RBM47: variants seen among roughly 807,000 people sequenced by gnomAD.
RBM47 encodes the protein RNA binding motif protein 47.
RBM47 carries 21 observed loss-of-function variants against 47.1 expected under a neutral mutation model. That is an observed-to-expected ratio of 0.45 (90% CI 0.32 to 0.64). RBM47 has a LOEUF of 0.64. Ranked by LOEUF, RBM47 falls within the 30% of genes least tolerant of loss-of-function variation. RBM47 has a pLI of 0.05. For missense variants in RBM47, 708 were observed against 870.9 expected, an observed-to-expected ratio of 0.81 and a Z score of 2.35; for synonymous variants, 375 against 361.7, an observed-to-expected ratio of 1.04 and a Z score of -0.42.
intron 2 of RBM47, among the ~76,000 whole-genome samples, chr4:40,496,037 TC>T (rs1722521349): frequency 2.0e-5 from 3 of 152,184 alleles, no homozygotes; most frequent in Admixed American, 2.0e-4. Context: ...CAATTGATCA[TC>T]CCCATCTTTC....
chr4:40,440,423 T>C (rs1388574441), intron 3 of RBM47, among the ~76,000 whole-genome samples: 1 of 152,202 alleles, frequency 6.6e-6, no homozygotes, highest in Non-Finnish European at 1.5e-5. Flanking sequence ...TTTCATCAAT[T>C]AATTAGAACC....
At chr4:40,482,027 C>T (rs1389066632) in intron 2 of RBM47, among the ~76,000 whole-genome samples, 1 of 152,170 alleles carries the variant, frequency 6.6e-6, no homozygotes, top group African/African-American at 2.4e-5. Flanking sequence ...AGCCACCGTA[C>T]CTGGCCATGA....
chr4:40,451,611 T>C (rs1379908566), intron 3 of RBM47, among the ~76,000 whole-genome samples: 1 of 152,210 alleles, frequency 6.6e-6, no homozygotes, highest in Non-Finnish European at 1.5e-5. Context: ...AAAGACATAC[T>C]ATGAACAATC....
At chr4:40,547,044 T>A (rs770693526) in intron 1 of RBM47, among the ~76,000 whole-genome samples, 1 of 152,202 alleles carries the variant, frequency 6.6e-6, no homozygotes, top group Non-Finnish European at 1.5e-5. Flanking sequence ...TTTGAGCAGG[T>A]GCATATTATA....
At chr4:40,602,388 G>A (rs762095435) in intron 1 of RBM47, among the ~76,000 whole-genome samples, 12 of 151,922 alleles carry the variant, frequency 7.9e-5, no homozygotes, top group Non-Finnish European at 1.3e-4. Flanking sequence ...GGTCGCTCAC[G>A]CCTGTAATCC....
At chr4:40,619,394 C>T (rs955262980) in intron 1 of RBM47, among the ~76,000 whole-genome samples, 1 of 152,204 alleles carries the variant, frequency 6.6e-6, no homozygotes, top group Non-Finnish European at 1.5e-5. Flanking sequence ...CACCACTGCA[C>T]TCCAGCCTGG....
intron 2 of RBM47, among the ~76,000 whole-genome samples, chr4:40,510,895 C>A (rs1318961588): frequency 6.6e-6 from 1 of 152,056 alleles, no homozygotes; most frequent in Non-Finnish European, 1.5e-5. Context: ...AACATGAAAC[C>A]CTGTCTCTAC....
chr4:40,583,726 C>T (rs1193561215), intron 1 of RBM47, among the ~76,000 whole-genome samples: 4 of 150,594 alleles, frequency 2.7e-5, no homozygotes, highest in African/African-American at 7.3e-5. Flanking sequence ...GGCGCGGTGG[C>T]GGGCGCCTGT....
chr4:40,594,690 A>G (rs772789240), intron 1 of RBM47, among the ~76,000 whole-genome samples: 7 of 152,092 alleles, frequency 4.6e-5, no homozygotes, highest in Non-Finnish European at 7.4e-5. Context: ...AGCCCAGAAT[A>G]TTCTTGCTCT....
intron 1 of RBM47, among the ~76,000 whole-genome samples, chr4:40,615,694 T>C (rs1405866974): frequency 6.6e-6 from 1 of 152,020 alleles, no homozygotes. Flanking sequence ...GGCAGGAGAA[T>C]CGCTTGAACC....
intron 1 of RBM47, among the ~76,000 whole-genome samples, chr4:40,601,063 T>A (rs6840737): frequency 6.7e-6 from 1 of 149,166 alleles, no homozygotes; most frequent in Non-Finnish European, 1.5e-5. Flanking sequence ...CTCAAGTGCC[T>A]CACGGAAATG....
chr4:40,453,942 C>T (rs1206990966), intron 3 of RBM47, among the ~76,000 whole-genome samples: 1 of 151,816 alleles, frequency 6.6e-6, no homozygotes, highest in Non-Finnish European at 1.5e-5. Flanking sequence ...TTTTTGAACA[C>T]GTATGTGTAA....
intron 2 of RBM47, among the ~76,000 whole-genome samples, chr4:40,518,727 T>G (rs1276143373): frequency 6.6e-6 from 1 of 151,988 alleles, no homozygotes; most frequent in Admixed American, 6.6e-5. Context: ...TCTTTTGGCT[T>G]CCCTGGGTCA....
intron 5 of RBM47, among the ~76,000 whole-genome samples, chr4:40,433,281 C>A (rs558054107): frequency 2.4e-4 from 36 of 152,214 alleles, no homozygotes; most frequent in Non-Finnish European, 4.9e-4. Flanking sequence ...TTTAAAACCA[C>A]GTTTAGAGGT....
At chr4:40,495,971 T>C (rs1357445206) in intron 2 of RBM47, among the ~76,000 whole-genome samples, 1 of 152,216 alleles carries the variant, frequency 6.6e-6, no homozygotes, top group Non-Finnish European at 1.5e-5. Context: ...GTCGATCTCT[T>C]GTCTGTGCCT....
intron 5 of RBM47, among the ~76,000 whole-genome samples, chr4:40,435,404 C>G (rs1252028932): frequency 6.6e-6 from 1 of 152,000 alleles, no homozygotes; most frequent in Non-Finnish European, 1.5e-5. Flanking sequence ...CAAAAATTAG[C>G]CAGGCATGGT....
intron 3 of RBM47, among the ~76,000 whole-genome samples, chr4:40,443,147 T>C (rs1713922334): frequency 6.6e-6 from 1 of 152,196 alleles, no homozygotes; most frequent in South Asian, 2.1e-4. Context: ...GTGGTTACCA[T>C]GGGCTGGAGA....
At chr4:40,563,410 G>A (rs1051263245) in intron 1 of RBM47, among the ~76,000 whole-genome samples, 3 of 129,360 alleles carry the variant, frequency 2.3e-5, no homozygotes, top group Non-Finnish European at 4.6e-5. Context: ...CTGTAGAAGC[G>A]GTAAAATCAA....
At position 40,426,001 on chromosome 4, in the gene RBM47, G is replaced by A. The variant is rs780001417; in HGVS notation, c.1685C>T (p.Ala562Val). ...IATLQKNAAA[A>V]AAMYGGYAGY... ...TGCGTATCCTCCATACATGGCGGCC[G>A]CGGCTGCCGCGTTCTTCTGTAGTGT... Residue 562 changes from alanine to valine, a missense_variant, in exon 7 of 7, where the codon GCG becomes GTG. Coordinates refer to ENST00000295971, the MANE Select transcript of RBM47 (RefSeq NM_001098634.2). The A allele has an allele frequency of 1.9e-6, 3 of 1,614,006 alleles. No homozygotes were observed. Among genetic ancestry groups the A allele is most frequent in the Admixed American group, 1.7e-5 (1 of 60,024 alleles).
Sources: allele counts gnomAD v4.1 joint callset (sites outside exome capture counted in the v4.1 genomes callset), GRCh38; gene constraint gnomAD v4.1.1; transcripts MANE v1.5; gene names NCBI Gene and HGNC (gene_info 2026-07-23, HGNC 2026-07-21).